Variants in GALNT2 observed in about 807,000 individuals in gnomAD.
GALNT2 encodes UDP-GalNAc:polypeptide N-acetylgalactosaminyltransferase 2.
Under a neutral mutation model 81.4 loss-of-function variants are expected in GALNT2, and 31 were observed. The observed-to-expected ratio is 0.38, with a 90% CI of 0.29 to 0.51. The LOEUF is 0.51. Among genes scored for constraint, GALNT2 ranks in the 20% least tolerant of loss-of-function variants. GALNT2 has a pLI of 0.87. For missense variants in GALNT2, 629 were observed against 765.7 expected (o/e 0.82, Z 2.11); for synonymous variants, 303 against 287.4 (o/e 1.05, Z -0.55).
At chr1:230,072,844 A>T (rs1659417852) in intron 1 of GALNT2, among the ~76,000 whole-genome samples, 2 of 152,308 alleles carry the variant, frequency 1.3e-5, no homozygotes, top group South Asian at 4.1e-4. Flanking sequence ...TCTTGGACCC[A>T]CTTCTGTGCC....
At position 230,275,172 on chromosome 1, in the gene GALNT2, G is replaced by A. The variant is rs1458230410; in HGVS notation, c.1560+608G>A. Among the ~76,000 whole-genome samples the A allele has an allele frequency of 6.8e-6, 1 of 147,498 alleles. No homozygotes were observed. The highest frequency in any genetic ancestry group is 2.5e-5 in the African/African-American group (1 of 39,666). On this transcript the variant is annotated intron_variant, in intron 15 of 15. Coordinates refer to ENST00000366672, the MANE Select transcript of GALNT2 (RefSeq NM_004481.5). The surrounding 1 kb of genome is among the most constrained non-coding windows in gnomAD (Gnocchi z 5.5). ...ATACACACCACATATACATATACCT[G>A]CCACATATATACATATATAAACACC... is the stretch of plus-strand genomic sequence containing the variant.
intron 3 of GALNT2, among the ~76,000 whole-genome samples, chr1:230,220,887 A>G (rs1664525888): frequency 6.6e-6 from 1 of 152,172 alleles, no homozygotes; most frequent in Admixed American, 6.5e-5. Flanking sequence ...CCTAGATACT[A>G]ATGGTCTACG....
intron 10 of GALNT2, 60 bp downstream of exon 10, chr1:230,250,620 TGCC>T: frequency 7.5e-7 from 1 of 1,328,668 alleles, no homozygotes; most frequent in South Asian, 1.4e-5. Flanking sequence ...AAAGGCAGGG[TGCC>T]AATTGGAAAA....
chr1:230,150,729 C>T (rs937675654), intron 1 of GALNT2, among the ~76,000 whole-genome samples: 1 of 152,268 alleles, frequency 6.6e-6, no homozygotes, highest in Non-Finnish European at 1.5e-5. Context: ...CATTCAGCCT[C>T]TCCTTGGCCT....
chr1:230,107,610 T>TGTGTGTGTG (rs1660578332), intron 1 of GALNT2, among the ~76,000 whole-genome samples: 55 of 141,208 alleles, frequency 3.9e-4, no homozygotes, highest in Non-Finnish European at 5.2e-4. Flanking sequence ...CTCATGGACT[T>TGTGTGTGTG]TGTGTGTGTG....
chr1:230,086,213 T>C (rs1659894264), intron 1 of GALNT2, among the ~76,000 whole-genome samples: 1 of 152,154 alleles, frequency 6.6e-6, no homozygotes, highest in Non-Finnish European at 1.5e-5. Flanking sequence ...TAATACGAGC[T>C]CCTGGAGGGC....
chr1:230,155,422 G>A (rs962885099), intron 1 of GALNT2, among the ~76,000 whole-genome samples: 3 of 152,204 alleles, frequency 2.0e-5, no homozygotes, highest in Non-Finnish European at 2.9e-5. Context: ...TCAGCTGGCT[G>A]TCCTTGAACT....
intron 1 of GALNT2, among the ~76,000 whole-genome samples, chr1:230,128,425 G>T (rs368173542): frequency 6.6e-6 from 1 of 152,104 alleles, no homozygotes; most frequent in Non-Finnish European, 1.5e-5. Flanking sequence ...GCTCTGTTCT[G>T]TGGAGGCCAC....
At chr1:230,174,070 AC>A (rs756820385) in intron 1 of GALNT2, among the ~76,000 whole-genome samples, 4 of 152,116 alleles carry the variant, frequency 2.6e-5, no homozygotes, top group Non-Finnish European at 4.4e-5. Flanking sequence ...AATGTAAAAG[AC>A]CCCCAAGTGC....
intron 1 of GALNT2, among the ~76,000 whole-genome samples, chr1:230,158,153 G>A (rs185496431): frequency 2.3e-4 from 35 of 152,254 alleles, no homozygotes; most frequent in East Asian, 9.7e-4. Context: ...TGCATGGGGC[G>A]TGGTGGAACA....
chr1:230,118,567 A>G (rs1483299613), intron 1 of GALNT2, among the ~76,000 whole-genome samples: 1 of 152,220 alleles, frequency 6.6e-6, no homozygotes, highest in South Asian at 2.1e-4. Flanking sequence ...GGGTCACCAG[A>G]GTCCCTGTAG....
At chr1:230,262,722 G>T in intron 12 of GALNT2, 57 bp downstream of exon 12, 1 of 1,462,290 alleles carries the variant, frequency 6.8e-7, no homozygotes, top group South Asian at 1.1e-5. Flanking sequence ...TGTGGGGGTG[G>T]GAGGTAAGGG....
In GALNT2 at chr1:230,265,421, G is replaced by T. The variant is rs916589420; in HGVS notation, c.1440+54G>T. 30 of 1,611,000 alleles carry T rather than the reference G, an allele frequency of 1.9e-5. No individual in the cohort carries two copies. The Admixed American group carries it at 4.8e-4, about 26-fold the overall frequency. ...GCAGGCCCAGAGAGAGCAGGAGTTG[G>T]GGGGGTCCTGATGTTAGAAGTCCCA... On this transcript the variant is annotated intron_variant, in intron 14 of 15. Transcript: ENST00000366672.
At chr1:230,235,813 A>AC (rs1269149600) in intron 3 of GALNT2, among the ~76,000 whole-genome samples, 1 of 152,164 alleles carries the variant, frequency 6.6e-6, no homozygotes, top group Non-Finnish European at 1.5e-5. Context: ...ATCTCTCAGA[A>AC]CGTAACTCCG....
At chr1:230,223,247 G>C (rs1664605722) in intron 3 of GALNT2, among the ~76,000 whole-genome samples, 1 of 144,008 alleles carries the variant, frequency 6.9e-6, no homozygotes, top group Admixed American at 6.9e-5. Flanking sequence ...GGCTGTCCTT[G>C]AACAAGTTTT....
chr1:230,139,730 T>G (rs1171616253), intron 1 of GALNT2, among the ~76,000 whole-genome samples: 1 of 152,248 alleles, frequency 6.6e-6, no homozygotes, highest in Non-Finnish European at 1.5e-5. Context: ...TAATTTGCCG[T>G]TGCATGGACT....
At chr1:230,218,313 G>T (rs973528503) in intron 3 of GALNT2, among the ~76,000 whole-genome samples, 2 of 152,216 alleles carry the variant, frequency 1.3e-5, no homozygotes, top group African/African-American at 4.8e-5. Flanking sequence ...TTGCTGAGCA[G>T]GGAGCAGTAC....
At chr1:230,192,151 T>C (rs1341876326) in intron 2 of GALNT2, among the ~76,000 whole-genome samples, 1 of 152,242 alleles carries the variant, frequency 6.6e-6, no homozygotes, top group Non-Finnish European at 1.5e-5. Flanking sequence ...GGTTGCTTTT[T>C]GGTGTTTCGC....
intron 1 of GALNT2, among the ~76,000 whole-genome samples, chr1:230,167,493 A>C (rs1235941809): frequency 1.3e-5 from 2 of 152,222 alleles, no homozygotes; most frequent in Non-Finnish European, 2.9e-5. Flanking sequence ...CTAGGAAGGA[A>C]CCAGTTGTAT....
Sources: gnomAD v4.1 joint callset for allele counts (sites outside exome capture counted in the v4.1 genomes callset) on GRCh38, gnomAD v4.1.1 for gene constraint, Gnocchi (gnomAD v3.1) non-coding constraint, MANE v1.5 for transcripts, NCBI Gene and HGNC (gene_info 2026-07-23, HGNC 2026-07-21) for gene names.